DLG3: variants seen among roughly 807,000 people sequenced by gnomAD.
DLG3 encodes the protein disks large homolog 3.
Under a neutral mutation model 64.1 loss-of-function variants are expected in DLG3, and 1 was observed. The observed-to-expected ratio is 0.02, with a 90% CI of 0.01 to 0.07. The LOEUF is 0.07. DLG3 is among the 10% of genes least tolerant of loss of function. The pLI is 1.00. For synonymous variants in DLG3, 245 were observed against 259.8 expected, an observed-to-expected ratio of 0.94 and a Z score of 0.55; for missense variants, 429 against 669.5, an observed-to-expected ratio of 0.64 and a Z score of 3.96.
Position 70,454,262 on chromosome X carries a change from G to T in DLG3, c.1351G>T (p.Ala451Ser), listed in dbSNP as rs942541567. ...RNATHEQAAA[A>S]LKRAGQSVTI... ...TGCAACTCATGAGCAGGCTGCAGCT[G>T]CTCTGAAACGGGCCGGCCAGTCAGT... Residue 451 changes from alanine (A) to serine (S), a missense_variant, in exon 9 of 19, where the codon GCT (alanine) becomes TCT (serine). Physicochemically the swap from Ala to Ser is moderately conservative, Grantham distance 99 (BLOSUM62 1). Around this residue, in one of 9 missense-constraint regions of DLG3, gnomAD observed 46 missense variants for 52.3 expected, o/e 0.88. Transcript: ENST00000374360. The T allele has an allele frequency of 1.7e-6, 2 of 1,210,031 alleles. No individual in the cohort carries two copies. The highest frequency in any genetic ancestry group is 2.2e-6 in the Non-Finnish European group (2 of 895,235).
intron 16 of DLG3, 93 bp from the exon 17 acceptor site, chrX:70,500,378 C>T (rs923301556): frequency 3.2e-5 from 25 of 785,149 alleles, no homozygotes; most frequent in Middle Eastern, 6.2e-4. Flanking sequence ...CCCCCACCCC[C>T]GGCCAAGGTG....
chrX:70,449,071 G>C (rs2086593240), intron 2 of DLG3, 108 bp downstream of exon 2: 1 of 935,965 alleles, frequency 1.1e-6, no homozygotes, highest in Non-Finnish European at 1.5e-6. Flanking sequence ...CCTGCATTTA[G>C]AGGATGGTGA....
rs770389899 is a variant in DLG3, at chrX:70,498,595, C to T, written c.1870+25C>T. ...AGTAAGCCTCCTCTGAGAGCCTTGT[C>T]TTCGTGCTGGTCTCCTGGTCGTGGG... is the stretch of plus-strand genomic sequence containing the variant. On this transcript the variant is annotated intron_variant, in intron 14 of 18. Transcript: ENST00000374360. 6 of 1,187,711 alleles carry T rather than the reference C, an allele frequency of 5.1e-6. No individual in the cohort carries two copies. In the South Asian group the frequency reaches 9.2e-5, roughly 18 times the overall value.
chrX:70,477,589 GTC>G, intron 9 of DLG3, among the ~76,000 whole-genome samples: 1 of 111,154 alleles, frequency 9.0e-6, no homozygotes, highest in African/African-American at 3.3e-5. Context: ...TCCAGCTGTT[GTC>G]TCTCTACCCT....
rs188218795 is a variant in DLG3, at chrX:70,502,118, G to A, written c.2348-45G>A. 497 of 1,007,283 alleles carry A rather than the reference G, an allele frequency of 4.9e-4. No homozygotes were observed. In the African/African-American group the frequency reaches 8.3e-3, roughly 17 times the overall value. The allele number at this position is 1,007,283 out of a possible 1,213,427, so 83.0% of individuals were successfully genotyped here. ...GGCAGGATTGCTGGGTTTGGGGGAT[G>A]TGCTATGGACCACAGTAATAATTTT... On this transcript the variant is annotated intron_variant, in intron 18 of 18. Transcript: ENST00000374360.
At chrX:70,449,116 A>G (rs755766376) in intron 2 of DLG3, among the ~76,000 whole-genome samples, 153 bp downstream of exon 2, 50 of 111,502 alleles carry the variant, frequency 4.5e-4, no homozygotes, top group Non-Finnish European at 7.5e-4. Context: ...CACTGCATCA[A>G]TCAATCAACC....
chrX:70,445,830 T>A (rs1186262476), intron 1 of DLG3, among the ~76,000 whole-genome samples: 1 of 91,592 alleles, frequency 1.1e-5, no homozygotes, highest in Non-Finnish European at 2.2e-5. Flanking sequence ...GGGAATTGGG[T>A]TTGTCTCAGT....
rs758728881 is a variant in DLG3 at position 70,446,244 on chromosome X, G to A, written c.357+686G>A. Among the ~76,000 whole-genome samples the A allele has an allele frequency of 4.5e-5, 5 of 110,531 alleles. No homozygotes were observed. The East Asian group carries it at 1.1e-3, about 25-fold the overall frequency. On this transcript the variant is annotated intron_variant, in intron 1 of 18. Transcript: ENST00000374360. ...CATGTGGCTGCAAGAGTGTGCACGC[G>A]TGTGCCTGGTGTGTGTGTGTGAGTG...
At position 70,445,471 on chromosome X, in the gene DLG3, C is replaced by G; in HGVS notation, c.270C>G (p.Val90=). Residue 90 remains valine (V), a synonymous_variant, in exon 1 of 19, where the codon GTC becomes GTG. Coordinates refer to ENST00000374360, the MANE Select transcript of DLG3 (RefSeq NM_021120.4). ...TGGGGCCGGTGCCTCCTAAGCCAGTCCCGGGCAAGAGCACCCCCAAACTCA... is the reference window on the plus strand; with the variant it reads ...TGGGGCCGGTGCCTCCTAAGCCAGTGCCGGGCAAGAGCACCCCCAAACTCA... The part of the protein sequence containing the change: ...RDVGPVPPKP[V]PGKSTPKLNG... The G allele has an allele frequency of 1.7e-6, 2 of 1,202,740 alleles. No individual in the cohort carries two copies. Among genetic ancestry groups the G allele is most frequent in the South Asian group, 1.8e-5 (1 of 55,321 alleles).
intron 10 of DLG3, among the ~76,000 whole-genome samples, chrX:70,491,670 G>A (rs1312919153): frequency 8.9e-6 from 1 of 112,092 alleles, no homozygotes; most frequent in Non-Finnish European, 1.9e-5. Flanking sequence ...TAGTGCTTCA[G>A]GAGTGTTTAC....
intron 9 of DLG3, among the ~76,000 whole-genome samples, chrX:70,474,502 G>A (rs1444861414): frequency 9.1e-6 from 1 of 110,440 alleles, no homozygotes; most frequent in East Asian, 2.8e-4. Context: ...AGTAATGGGG[G>A]TTTGGCATGA....
intron 10 of DLG3, among the ~76,000 whole-genome samples, chrX:70,480,382 A>G (rs2087131547): frequency 9.0e-6 from 1 of 111,377 alleles, no homozygotes; most frequent in African/African-American, 3.3e-5. Flanking sequence ...CCCTGACTCT[A>G]CCGCAGGGAG....
At position 70,491,430 on chromosome X, in the gene DLG3, A is replaced by G. The variant is rs143777941; in HGVS notation, c.1521-677A>G. On this transcript the variant is annotated intron_variant, in intron 10 of 18. Transcript: ENST00000374360. ...CTTCCCTTTTATTTCTTTACTCTGCATCATTTATAGCATGTCACAACAGCA... is the reference window on the plus strand; with the variant it reads ...CTTCCCTTTTATTTCTTTACTCTGCGTCATTTATAGCATGTCACAACAGCA... Among the ~76,000 whole-genome samples, 16 of 112,513 alleles carry G rather than the reference A, an allele frequency of 1.4e-4. No individual in the cohort carries two copies. In the East Asian group the frequency reaches 4.5e-3, roughly 31 times the overall value.
At position 70,501,413 on chromosome X, in the gene DLG3, C is replaced by CTGTGTGTGTGTGTGTGTG. The variant is rs58272461; in HGVS notation, c.2347+436_2347+453dup. ...TCTGTTGGGGTGTCTGTCTGTCTGT[C>CTGTGTGTGTGTGTGTGTG]TGTGTGTGTGTGTGTGTGTGTGTGT... On this transcript the variant is annotated intron_variant, in intron 18 of 18. Transcript: ENST00000374360. Among the ~76,000 whole-genome samples the CTGTGTGTGTGTGTGTGTG allele has an allele frequency of 9.7e-3, 914 of 93,829 alleles. 16 individuals are homozygous for CTGTGTGTGTGTGTGTGTG. Among genetic ancestry groups the CTGTGTGTGTGTGTGTGTG allele is most frequent in the African/African-American group, 0.035 (862 of 24,390 alleles). The allele number at this position is 93,829 out of a possible 115,157, so 81.5% of individuals were successfully genotyped here.
intron 9 of DLG3, among the ~76,000 whole-genome samples, chrX:70,463,272 C>T (rs1199872605): frequency 1.8e-5 from 2 of 111,200 alleles, no homozygotes; most frequent in African/African-American, 6.5e-5. Context: ...CTCAGCCTTC[C>T]AAGTAGTTGG....
At position 70,454,277 on chromosome X, in the gene DLG3, G is replaced by T. The variant is rs768558801; in HGVS notation, c.1366G>T (p.Gly456Cys). 4 of 1,209,698 alleles carry T rather than the reference G, an allele frequency of 3.3e-6. No individual in the cohort carries two copies. The highest frequency in any genetic ancestry group is 4.5e-6 in the Non-Finnish European group (4 of 895,038). ...GGCTGCAGCTGCTCTGAAACGGGCCGGCCAGTCAGTCACCATTGTGGCCCA... is the reference window on the plus strand; with the variant it reads ...GGCTGCAGCTGCTCTGAAACGGGCCTGCCAGTCAGTCACCATTGTGGCCCA... ...EQAAAALKRA[G>C]QSVTIVAQYR... The change falls in exon 9 of 19, where the codon GGC becomes TGC. Residue 456 changes from glycine (G) to cysteine (C), a missense_variant. Transcript: ENST00000374360.
intron 11 of DLG3, 106 bp from the exon 12 acceptor site, chrX:70,492,415 A>G: frequency 8.9e-7 from 1 of 1,122,386 alleles, no homozygotes; most frequent in Non-Finnish European, 1.2e-6. Context: ...GGTACTCAAC[A>G]TGGTTTTTAC....
intron 9 of DLG3, among the ~76,000 whole-genome samples, chrX:70,468,081 T>G (rs191887819): frequency 6.1e-4 from 68 of 111,619 alleles, no homozygotes; most frequent in African/African-American, 2.1e-3. Context: ...GTTTCATTTT[T>G]GTTTATGAGA....
rs1569300952 is a variant in DLG3 at position 70,504,667 on chromosome X, G to T, written c.*2398G>T. 1 of 112,407 alleles carries T rather than the reference G, an allele frequency of 8.9e-6. No homozygotes were observed. Among genetic ancestry groups the T allele is most frequent in the African/African-American group, 3.2e-5 (1 of 30,901 alleles). The allele number at this position is 112,407 out of a possible 1,213,427, so 9.3% of individuals were successfully genotyped here. A position where few individuals can be genotyped will look rare whatever the true frequency, so the allele number is the denominator to read the frequency against. ...ATTTTCCCAAGAGGTACACAAGGTGGGAGAGGCCTGCTGTAGCAGAGGTGT... is the reference window on the plus strand; with the variant it reads ...ATTTTCCCAAGAGGTACACAAGGTGTGAGAGGCCTGCTGTAGCAGAGGTGT... On this transcript the variant is annotated 3_prime_UTR_variant, in exon 19 of 19. Coordinates refer to ENST00000374360, the MANE Select transcript of DLG3 (RefSeq NM_021120.4).
Sources: allele counts gnomAD v4.1 joint callset (sites outside exome capture counted in the v4.1 genomes callset), GRCh38; gene constraint gnomAD v4.1.1; regional missense constraint gnomAD v4.1.1; transcripts MANE v1.5; gene names NCBI Gene and HGNC (gene_info 2026-07-23, HGNC 2026-07-21).